FOXO3: variants seen among roughly 807,000 people sequenced by gnomAD.
The protein encoded by FOXO3 is forkhead box O3, also known as forkhead box protein O3.
Under a neutral mutation model 41.9 loss-of-function variants are expected in FOXO3, and 4 were observed. The ratio of observed to expected loss-of-function variants is 0.10; its 90% CI spans 0.05 to 0.22. FOXO3 has a LOEUF of 0.22. Among genes scored for constraint, FOXO3 ranks in the 10% least tolerant of loss-of-function variants. The pLI is 1.00. For missense variants in FOXO3, 534 were observed against 906.8 expected (o/e 0.59, Z 5.28); for synonymous variants, 318 against 389.3 (o/e 0.82, Z 2.16).
chr6:108,566,265 G>A (rs1369442665), intron 1 of FOXO3, among the ~76,000 whole-genome samples: 1 of 152,134 alleles, frequency 6.6e-6, no homozygotes. Context: ...AAAATGAAAT[G>A]AAACTACAGC....
At chr6:108,642,093 T>TTC (rs1262565289) in intron 1 of FOXO3, among the ~76,000 whole-genome samples, 31 of 150,412 alleles carry the variant, frequency 2.1e-4, no homozygotes, top group Non-Finnish European at 4.1e-4. Flanking sequence ...TTTGGTGTTT[T>TTC]TTTTTTTTTT....
chr6:108,639,201 C>T (rs989328628), intron 1 of FOXO3, among the ~76,000 whole-genome samples: 23 of 152,152 alleles, frequency 1.5e-4, no homozygotes, highest in African/African-American at 5.1e-4. Context: ...CCCTGCCTCC[C>T]ACTGGGTGAG....
intron 1 of FOXO3, among the ~76,000 whole-genome samples, chr6:108,563,723 A>C (rs1181912395): frequency 6.6e-6 from 1 of 152,256 alleles, no homozygotes; most frequent in Non-Finnish European, 1.5e-5. Context: ...AAGGTTACAA[A>C]AATAATTTAA....
intron 1 of FOXO3, among the ~76,000 whole-genome samples, chr6:108,563,647 T>C (rs974998376): frequency 1.3e-5 from 2 of 152,248 alleles, no homozygotes; most frequent in African/African-American, 2.4e-5. Flanking sequence ...AGTGAAAAGT[T>C]AGTTAACTTT....
At chr6:108,576,731 C>T (rs1776272212) in intron 1 of FOXO3, among the ~76,000 whole-genome samples, 2 of 152,132 alleles carry the variant, frequency 1.3e-5, no homozygotes, top group African/African-American at 4.8e-5. Flanking sequence ...CCAGTGTTTG[C>T]CCTGTTGATG....
In FOXO3 at chr6:108,680,751, GA is replaced by G. The variant is rs34312944; in HGVS notation, c.*973del. 6.0e-3 allele frequency: 824 copies of G among 137,240 alleles called. 10 individuals are homozygous for G. Among genetic ancestry groups the G allele is most frequent in the African/African-American group, 0.022 (775 of 35,970 alleles). The allele number at this position is 137,240 out of a possible 1,614,324, so 8.5% of individuals were successfully genotyped here. A position where few individuals can be genotyped will look rare whatever the true frequency, so the allele number is the denominator to read the frequency against. ...GTTTAGTTTTAAGGAGAAAGAAAAG[GA>G]AAAAAAAAAAAAACAAAAAAGTCCT... On this transcript the variant is annotated 3_prime_UTR_variant, in exon 3 of 3. Transcript: ENST00000406360.
In FOXO3 at chr6:108,665,715, A is replaced by G. The variant is rs545274630; in HGVS notation, c.*34+826A>G. On this transcript the variant is annotated intron_variant, in intron 2 of 2. Transcript: ENST00000406360. ...CACATACCTGTAGCCCCTGCTTCTCAGGAGAATCCCTTGTGCCCAGGAGTT... is the reference window on the plus strand; with the variant it reads ...CACATACCTGTAGCCCCTGCTTCTCGGGAGAATCCCTTGTGCCCAGGAGTT... Among the ~76,000 whole-genome samples the G allele has an allele frequency of 5.3e-5, 8 of 151,010 alleles. No individual in the cohort carries two copies. The East Asian group carries it at 1.2e-3, about 23-fold the overall frequency.
At position 108,654,393 on chromosome 6, in the gene FOXO3, T is replaced by C. The variant is rs113308379; in HGVS notation, c.622-9062T>C. Among the ~76,000 whole-genome samples, 1,035 of 152,316 alleles carry C rather than the reference T, an allele frequency of 6.8e-3. 15 individuals are homozygous for C. Among genetic ancestry groups the C allele is most frequent in the African/African-American group, 0.024 (997 of 41,558 alleles). ...AGTATAGTGGTAGTCATCTTTTTCA[T>C]GCTATTTAAGAGAACTTTCTTCCTA... is the stretch of plus-strand genomic sequence containing the variant. On this transcript the variant is annotated intron_variant, in intron 1 of 2. Transcript: ENST00000406360.
At chr6:108,560,706 A>AGCTCGGGCTCTGACCGCG (rs1775750018), upstream of FOXO3, among the ~76,000 whole-genome samples, 1 of 151,834 alleles carries the variant, frequency 6.6e-6, no homozygotes, top group Non-Finnish European at 1.5e-5. Flanking sequence ...CGCACACCCG[A>AGCTCGGGCTCTGACCGCG]GCTCGGGCTC....
chr6:108,565,527 CA>C (rs1445824944), intron 1 of FOXO3, among the ~76,000 whole-genome samples: 2 of 152,338 alleles, frequency 1.3e-5, no homozygotes, highest in Admixed American at 1.3e-4. Flanking sequence ...TCGTTATACA[CA>C]GCACACATCT....
At chr6:108,615,180 A>G (rs890665151) in intron 1 of FOXO3, among the ~76,000 whole-genome samples, 4 of 152,096 alleles carry the variant, frequency 2.6e-5, no homozygotes, top group African/African-American at 9.7e-5. Flanking sequence ...ATATTTACTC[A>G]TATATTGATC....
chr6:108,587,468 C>T (rs1300510664), intron 1 of FOXO3, among the ~76,000 whole-genome samples: 1 of 152,138 alleles, frequency 6.6e-6, no homozygotes, highest in Non-Finnish European at 1.5e-5. Context: ...ATTTTGTGTG[C>T]CCACCTGTGG....
At chr6:108,640,432 G>T (rs1364220496) in intron 1 of FOXO3, among the ~76,000 whole-genome samples, 1 of 152,138 alleles carries the variant, frequency 6.6e-6, no homozygotes, top group Non-Finnish European at 1.5e-5. Context: ...ATACAATTTG[G>T]ATCAGAGTTG....
chr6:108,595,563 TTCTC>T lies in FOXO3; in HGVS notation c.621+33739_621+33742del, dbSNP rs565070279. 2.9e-3 allele frequency among the ~76,000 whole-genome samples: 449 copies of T among 152,366 alleles called. 5 individuals carry two copies. The highest frequency in any genetic ancestry group is 4.2e-3 in the Non-Finnish European group (284 of 68,030). ...TTTCTGTAACTTTTATTATTTTATG[TTCTC>T]TCTCATAGAAGTGTATGTTTCTGGA... On this transcript the variant is annotated intron_variant, in intron 1 of 2. Coordinates refer to ENST00000406360, the MANE Select transcript of FOXO3 (RefSeq NM_001455.4).
At chr6:108,587,483 T>G (rs1240631623) in intron 1 of FOXO3, among the ~76,000 whole-genome samples, 1 of 152,194 alleles carries the variant, frequency 6.6e-6, no homozygotes, top group Non-Finnish European at 1.5e-5. Context: ...CTGTGGCACA[T>G]GTATTATGCA....
chr6:108,672,654 A>G (rs1779248701), intron 2 of FOXO3, among the ~76,000 whole-genome samples: 1 of 152,196 alleles, frequency 6.6e-6, no homozygotes, highest in Non-Finnish European at 1.5e-5. Context: ...TCTGAAGGCT[A>G]AAACTGTAAT....
intron 1 of FOXO3, among the ~76,000 whole-genome samples, chr6:108,615,059 C>G (rs1777457054): frequency 6.6e-6 from 1 of 152,012 alleles, no homozygotes; most frequent in African/African-American, 2.4e-5. Flanking sequence ...CCTTATTATT[C>G]TTAGTGCTAT....
At position 108,682,505 on chromosome 6, in the gene FOXO3, C is replaced by T. The variant is rs974645272; in HGVS notation, c.*2713C>T. 1.3e-5 allele frequency: 2 copies of T among 152,358 alleles called. No individual in the cohort carries two copies. Among genetic ancestry groups the T allele is most frequent in the Admixed American group, 1.3e-4 (2 of 15,290 alleles). The allele number at this position is 152,358 out of a possible 1,614,324, so 9.4% of individuals were successfully genotyped here. The stretch of plus-strand genomic sequence containing the variant: ...TCAGTACTGCGAGACCCACCAGCCC[C>T]TGGAGAGGGTCAGCCGAGAATCTGG... On this transcript the variant is annotated 3_prime_UTR_variant, in exon 3 of 3. Transcript: ENST00000406360.
At chr6:108,655,626 T>C (rs192353198) in intron 1 of FOXO3, among the ~76,000 whole-genome samples, 67 of 152,302 alleles carry the variant, frequency 4.4e-4, no homozygotes, top group African/African-American at 1.5e-3. Flanking sequence ...CCCAGGTGAT[T>C]CTAATAGGCG....
Sources: gnomAD v4.1 joint callset for allele counts (sites outside exome capture counted in the v4.1 genomes callset) on GRCh38, gnomAD v4.1.1 for gene constraint, MANE v1.5 for transcripts, NCBI Gene and HGNC (gene_info 2026-07-23, HGNC 2026-07-21) for gene names.